SAMMSON: variants seen among roughly 807,000 people sequenced by gnomAD.
SAMMSON encodes the protein survival associated mitochondrial melanoma specific oncogenic non-coding RNA.
chr3:70,039,000 G>A (rs1576105018), intron 3 of SAMMSON, among the ~76,000 whole-genome samples: 3 of 152,170 alleles, frequency 2.0e-5, no homozygotes, highest in Non-Finnish European at 2.9e-5. Context: ...ACAGGGATGT[G>A]GTTATGTTAT....
At chr3:70,431,208 G>T (rs1453435418) in intron 2 of SAMMSON, among the ~76,000 whole-genome samples, 3 of 152,026 alleles carry the variant, frequency 2.0e-5, no homozygotes, top group Non-Finnish European at 4.4e-5. Flanking sequence ...AGTGAAAATG[G>T]AGCCCTCACT....
chr3:70,052,281 T>A (rs1206136674), intron 3 of SAMMSON, among the ~76,000 whole-genome samples: 1 of 152,054 alleles, frequency 6.6e-6, no homozygotes, highest in Non-Finnish European at 1.5e-5. Context: ...ATGTGGCCAG[T>A]CTAATATCAG....
intron 7 of SAMMSON, among the ~76,000 whole-genome samples, chr3:70,350,904 ATT>A (rs961060196): frequency 5.3e-5 from 8 of 152,202 alleles, no homozygotes; most frequent in African/African-American, 1.9e-4. Context: ...TCTTGCAAAA[ATT>A]TAGGTAAAAA....
At chr3:70,301,597 T>G (rs910725296) in intron 7 of SAMMSON, among the ~76,000 whole-genome samples, 1 of 152,118 alleles carries the variant, frequency 6.6e-6, no homozygotes, top group African/African-American at 2.4e-5. Flanking sequence ...CGAATGCTTC[T>G]TTTACAGTAG....
intron 4 of SAMMSON, among the ~76,000 whole-genome samples, chr3:70,142,884 A>G (rs1294235182): frequency 6.6e-6 from 1 of 152,124 alleles, no homozygotes; most frequent in Non-Finnish European, 1.5e-5. Context: ...TGTACAAAAG[A>G]AACATAATTC....
intron 9 of SAMMSON, among the ~76,000 whole-genome samples, chr3:70,382,275 G>A (rs1044683587): frequency 1.1e-4 from 16 of 152,116 alleles, no homozygotes; most frequent in Non-Finnish European, 2.4e-4. Context: ...TCTCTTTGGC[G>A]TGTCGTCTCT....
At chr3:70,333,160 C>T (rs114562146) in intron 7 of SAMMSON, among the ~76,000 whole-genome samples, 2 of 152,122 alleles carry the variant, frequency 1.3e-5, no homozygotes, top group African/African-American at 4.8e-5. Context: ...TGCCGGACTA[C>T]TAGCCATTCC....
At chr3:70,018,960 C>A (rs1297104097) in intron 3 of SAMMSON, among the ~76,000 whole-genome samples, 1 of 152,064 alleles carries the variant, frequency 6.6e-6, no homozygotes, top group African/African-American at 2.4e-5. Flanking sequence ...TTTGTTATAA[C>A]TTCTGTTCTT....
intron 7 of SAMMSON, among the ~76,000 whole-genome samples, chr3:70,317,352 T>A (rs1702502179): frequency 6.6e-6 from 1 of 151,996 alleles, no homozygotes; most frequent in Admixed American, 6.6e-5. Context: ...CAACAATATA[T>A]GTTCACTTCA....
intron 9 of SAMMSON, among the ~76,000 whole-genome samples, chr3:70,362,600 G>GA (rs11457875): frequency 0.42 from 62,628 of 150,460 alleles, 13,217 homozygotes; most frequent in East Asian, 0.68. Context: ...GTGAGGAATA[G>GA]AAAAAAAAAG....
intron 7 of SAMMSON, among the ~76,000 whole-genome samples, chr3:70,345,727 A>G (rs1257379883): frequency 6.6e-6 from 1 of 151,110 alleles, no homozygotes; most frequent in African/African-American, 2.4e-5. Context: ...ATATCATGCA[A>G]TTGGAATCAT....
intron 7 of SAMMSON, among the ~76,000 whole-genome samples, chr3:70,344,238 C>T (rs1702733010): frequency 6.6e-6 from 1 of 152,094 alleles, no homozygotes; most frequent in South Asian, 2.1e-4. Context: ...CTGTATAAAC[C>T]CCAAGCCCCC....
At chr3:70,202,964 T>A (rs1213734393) in intron 4 of SAMMSON, among the ~76,000 whole-genome samples, 2 of 152,094 alleles carry the variant, frequency 1.3e-5, no homozygotes. Flanking sequence ...CACTCCCTGA[T>A]TCTGCCCTCC....
intron 2 of SAMMSON, among the ~76,000 whole-genome samples, chr3:70,398,550 G>A (rs1701111542): frequency 6.6e-6 from 1 of 152,112 alleles, no homozygotes; most frequent in Admixed American, 6.5e-5. Context: ...TAAACTATGT[G>A]TTTGACCAGT....
intron 6 of SAMMSON, among the ~76,000 whole-genome samples, chr3:70,284,067 G>T (rs942739424): frequency 6.6e-6 from 1 of 152,052 alleles, no homozygotes; most frequent in Non-Finnish European, 1.5e-5. Flanking sequence ...AATGAACTTG[G>T]TTTTAAACCT....
At chr3:70,200,893 G>T (rs1056568591) in intron 4 of SAMMSON, among the ~76,000 whole-genome samples, 4 of 143,104 alleles carry the variant, frequency 2.8e-5, no homozygotes, top group Non-Finnish European at 6.0e-5. Flanking sequence ...AAAGCCTGTG[G>T]TCTCTATCCC....
At chr3:70,337,402 C>A (rs75749269) in intron 7 of SAMMSON, among the ~76,000 whole-genome samples, 1 of 151,434 alleles carries the variant, frequency 6.6e-6, no homozygotes, top group African/African-American at 2.4e-5. Flanking sequence ...ATATAGCTAC[C>A]CTGTTAAGTG....
chr3:70,275,565 C>G (rs996246506), intron 6 of SAMMSON, among the ~76,000 whole-genome samples: 1 of 152,072 alleles, frequency 6.6e-6, no homozygotes, highest in East Asian at 1.9e-4. Context: ...GGAATTCAGT[C>G]CTTGGGACTG....
chr3:70,330,213 T>A (rs1702611673), intron 7 of SAMMSON, among the ~76,000 whole-genome samples: 1 of 151,928 alleles, frequency 6.6e-6, no homozygotes, highest in African/African-American at 2.4e-5. Context: ...ATCAGTAATA[T>A]TAATATCTAC....
Sources: allele counts gnomAD v4.1 joint callset (sites outside exome capture counted in the v4.1 genomes callset), GRCh38; gene constraint gnomAD v4.1.1; transcripts MANE v1.5; gene names NCBI Gene and HGNC (gene_info 2026-07-23, HGNC 2026-07-21).